The following METAP1 variants were observed in gnomAD, a reference collection of about 807,000 sequenced individuals.
METAP1 encodes the protein methionyl aminopeptidase 1, also known as methionine aminopeptidase 1.
A neutral mutation model predicts 53.8 loss-of-function variants in METAP1; 28 were observed. The observed-to-expected ratio is 0.52, with a 90% CI of 0.39 to 0.71. The LOEUF (loss-of-function observed/expected upper bound fraction) is 0.71, where lower values mean the gene tolerates loss of function less well. Among genes scored for constraint, METAP1 ranks in the 30% least tolerant of loss-of-function variants. METAP1 has a pLI of 0.00. For missense variants in METAP1, 389 were observed against 479.8 expected (o/e 0.81, Z 1.77); for synonymous variants, 181 against 165.7 (o/e 1.09, Z -0.71).
At chr4:99,012,652 GTTTTTTTTTTTTTTT>G (rs78437310) in intron 1 of METAP1, among the ~76,000 whole-genome samples, 1 of 90,362 alleles carries the variant, frequency 1.1e-5, no homozygotes, top group East Asian at 3.8e-4. Flanking sequence ...ATCCCATAAA[GTTTTTTTTTTTTTTT>G]TTTTTTTTTT....
intron 8 of METAP1, 71 bp from the exon 9 acceptor site, chr4:99,048,662 A>G: frequency 6.7e-7 from 1 of 1,498,544 alleles, no homozygotes; most frequent in Non-Finnish European, 9.2e-7. Flanking sequence ...GAGCCACTGC[A>G]TCTGGTTGAT....
intron 9 of METAP1, among the ~76,000 whole-genome samples, chr4:99,056,662 C>T (rs1192351283): frequency 2.0e-5 from 3 of 150,880 alleles, no homozygotes; most frequent in Non-Finnish European, 4.4e-5. Context: ...GCTCAGCCTC[C>T]CGGGTTCATG....
intron 1 of METAP1, among the ~76,000 whole-genome samples, chr4:99,001,685 A>G (rs957215480): frequency 1.1e-4 from 16 of 152,116 alleles, no homozygotes; most frequent in African/African-American, 3.9e-4. Context: ...TCAATTTTTT[A>G]CCTTCTGTTT....
At chr4:99,006,483 G>T (rs1367880143) in intron 1 of METAP1, among the ~76,000 whole-genome samples, 1 of 152,134 alleles carries the variant, frequency 6.6e-6, no homozygotes, top group African/African-American at 2.4e-5. Flanking sequence ...GTGTGTATAT[G>T]TGTATTTGTT....
intron 1 of METAP1, among the ~76,000 whole-genome samples, chr4:99,019,879 C>T (rs1723982912): frequency 6.6e-6 from 1 of 152,192 alleles, no homozygotes; most frequent in South Asian, 2.1e-4. Context: ...TATCTGCTCC[C>T]TTAGTCTAAA....
At chr4:99,048,919 C>T (rs1262579224) in intron 9 of METAP1, 43 bp downstream of exon 9, 1 of 1,582,010 alleles carries the variant, frequency 6.3e-7, no homozygotes, top group East Asian at 2.2e-5. Flanking sequence ...ACCATTTATT[C>T]AACAAATACT....
chr4:99,022,456 GC>G (rs1724190671), intron 1 of METAP1: 1 of 620,654 alleles, frequency 1.6e-6, no homozygotes, highest in South Asian at 2.8e-5. Context: ...TGGCTGTGCT[GC>G]TTTCCGGGCC....
chr4:99,011,738 C>T (rs999492957), intron 1 of METAP1, among the ~76,000 whole-genome samples: 15 of 151,864 alleles, frequency 9.9e-5, no homozygotes, highest in Non-Finnish European at 1.6e-4. Flanking sequence ...GTTGGGAGTT[C>T]GAGACCACCC....
intron 9 of METAP1, 109 bp downstream of exon 9, chr4:99,048,985 C>A: frequency 7.8e-7 from 1 of 1,282,836 alleles, no homozygotes; most frequent in Non-Finnish European, 1.1e-6. Flanking sequence ...AATCTCTTAG[C>A]TGTAATAGAT....
At chr4:99,023,560 G>C (rs1724308408) in intron 1 of METAP1, 6 of 985,366 alleles carry the variant, frequency 6.1e-6, no homozygotes, top group Non-Finnish European at 6.0e-6. Context: ...GGAAAAGAGA[G>C]AGAGGTAATA....
At chr4:99,015,165 G>C (rs547844658) in intron 1 of METAP1, among the ~76,000 whole-genome samples, 1 of 152,220 alleles carries the variant, frequency 6.6e-6, no homozygotes, top group Non-Finnish European at 1.5e-5. Flanking sequence ...AGTGTGGACA[G>C]AATATTTAAT....
chr4:99,025,429 G>A, intron 1 of METAP1: 1 of 985,368 alleles, frequency 1.0e-6, no homozygotes, highest in Non-Finnish European at 1.2e-6. Flanking sequence ...ACTCTTTTCA[G>A]TGATTCACAG....
chr4:99,039,288 T>C, intron 4 of METAP1, 86 bp from the exon 5 acceptor site: 1 of 772,902 alleles, frequency 1.3e-6, no homozygotes, highest in South Asian at 1.8e-5. Context: ...GAGACTACTG[T>C]TTTTATGCCA....
At position 98,995,787 on chromosome 4, in the gene METAP1, G is replaced by A. The variant is rs1490652228; in HGVS notation, c.34G>A (p.Asp12Asn). Reference sequence around the variant, plus strand: ...CGTGGAGACGCGGGTGTGCGAGACAGACGGCTGCAGCAGTGAGGCCAAGCT... The same window carrying A: ...CGTGGAGACGCGGGTGTGCGAGACAAACGGCTGCAGCAGTGAGGCCAAGCT... ...AAVETRVCETDGCSSEAKLQC... is the reference protein window; with the variant it reads ...AAVETRVCETNGCSSEAKLQC... The change falls in exon 1 of 11, where the codon GAC becomes AAC. Residue 12 changes from aspartate (D) to asparagine (N), a missense_variant. Transcript: ENST00000296411. 6.5e-7 allele frequency: 1 copy of A among 1,546,628 alleles called. No individual in the cohort carries two copies. The highest frequency in any genetic ancestry group is 2.0e-5 in the Admixed American group (1 of 50,810).
At chr4:99,006,790 C>T (rs1560693524) in intron 1 of METAP1, among the ~76,000 whole-genome samples, 1 of 151,994 alleles carries the variant, frequency 6.6e-6, no homozygotes, top group Non-Finnish European at 1.5e-5. Flanking sequence ...TAGAATAGTC[C>T]TCATCTTATT....
At chr4:99,036,419 A>G (rs535914474) in intron 4 of METAP1, among the ~76,000 whole-genome samples, 1 of 152,108 alleles carries the variant, frequency 6.6e-6, no homozygotes, top group East Asian at 1.9e-4. Flanking sequence ...CTTGTATTTT[A>G]GAAAAACAAT....
chr4:99,054,700 C>T (rs1726970413), intron 9 of METAP1, among the ~76,000 whole-genome samples: 1 of 152,140 alleles, frequency 6.6e-6, no homozygotes, highest in Admixed American at 6.5e-5. Context: ...AAGTGAGAGA[C>T]ATGTGACTCT....
chr4:99,028,587 C>T (rs190479396), intron 1 of METAP1, among the ~76,000 whole-genome samples: 48 of 152,168 alleles, frequency 3.2e-4, no homozygotes, highest in African/African-American at 9.2e-4. Context: ...TGAAATACTT[C>T]GTAATAGTTT....
chr4:99,033,863 A>G (rs901816240), intron 2 of METAP1, among the ~76,000 whole-genome samples: 3 of 152,146 alleles, frequency 2.0e-5, no homozygotes, highest in African/African-American at 7.2e-5. Context: ...ACTAGGGCTT[A>G]TGTTTCATAT....
Sources: gnomAD v4.1 joint callset for allele counts (sites outside exome capture counted in the v4.1 genomes callset) on GRCh38, gnomAD v4.1.1 for gene constraint, MANE v1.5 for transcripts, NCBI Gene and HGNC (gene_info 2026-07-23, HGNC 2026-07-21) for gene names.